The following MYLK variants were observed in gnomAD, a reference collection of about 807,000 sequenced individuals.
The protein encoded by MYLK is myosin light chain kinase.
Under a neutral mutation model 203.4 loss-of-function variants are expected in MYLK, and 106 were observed. The observed-to-expected ratio is 0.52, with a 90% CI of 0.45 to 0.61. The LOEUF (loss-of-function observed/expected upper bound fraction) is 0.61. MYLK is among the 20% of genes least tolerant of loss of function. The pLI is 0.00. For synonymous variants in MYLK, 867 were observed against 959.5 expected, an observed-to-expected ratio of 0.90 and a Z score of 1.78; for missense variants, 2,072 against 2,442.3, an observed-to-expected ratio of 0.85 and a Z score of 3.20.
intron 11 of MYLK, among the ~76,000 whole-genome samples, chr3:123,731,073 C>A (rs1222702025): frequency 6.6e-6 from 1 of 152,128 alleles, no homozygotes; most frequent in African/African-American, 2.4e-5. Flanking sequence ...CCTCTGGATA[C>A]GCCATTAATC....
At chr3:123,789,422 T>C (rs2064682084) in intron 4 of MYLK, among the ~76,000 whole-genome samples, 1 of 152,058 alleles carries the variant, frequency 6.6e-6, no homozygotes, top group Non-Finnish European at 1.5e-5. Flanking sequence ...AAAAAATTCC[T>C]GGGTCCTGGG....
chr3:123,876,830 A>C (rs1278410348), intron 1 of MYLK, among the ~76,000 whole-genome samples: 1 of 152,220 alleles, frequency 6.6e-6, no homozygotes, highest in African/African-American at 2.4e-5. Context: ...CACTGCTATG[A>C]GGAAACAGAG....
Position 123,779,018 on chromosome 3 carries a change from C to G in MYLK, c.165+14659G>C, listed in dbSNP as rs773123104. Among the ~76,000 whole-genome samples, 4 of 152,308 alleles carry G rather than the reference C, an allele frequency of 2.6e-5. No individual in the cohort carries two copies. The South Asian group carries it at 6.2e-4, about 24-fold the overall frequency. ...AGAGTGGGGGTGGGGTTGGGTATGACTTGAGTTTATGACAAAAGAGCTTTG... is the reference window on the plus strand; with the variant it reads ...AGAGTGGGGGTGGGGTTGGGTATGAGTTGAGTTTATGACAAAAGAGCTTTG... On this transcript the variant is annotated intron_variant, in intron 4 of 33. Transcript: ENST00000360304.
chr3:123,659,630 GTTCT>G, intron 23 of MYLK: 1 of 512,948 alleles, frequency 1.9e-6, no homozygotes, highest in Non-Finnish European at 3.9e-6. Flanking sequence ...AATGCTTTCT[GTTCT>G]TTCTAAGCTA....
In MYLK at chr3:123,613,916, T is replaced by C. The variant is rs916561328; in HGVS notation, c.*189A>G. ...TAGTATCTTAAGGTGCCAACTAACA[T>C]AGATTAATGCCCATCAATAACGCTG... On this transcript the variant is annotated 3_prime_UTR_variant, in exon 34 of 34. Coordinates refer to ENST00000360304, the MANE Select transcript of MYLK (RefSeq NM_053025.4). 17 of 656,310 alleles carry C rather than the reference T, an allele frequency of 2.6e-5. 1 individual carries two copies. The South Asian group carries it at 3.2e-4, about 12-fold the overall frequency. The allele number at this position is 656,310 out of a possible 1,614,324, so 40.7% of individuals were successfully genotyped here. A position where few individuals can be genotyped will look rare whatever the true frequency, so the allele number is the denominator to read the frequency against.
chr3:123,629,124 G>A lies in MYLK; in HGVS notation c.5114+350C>T, dbSNP rs562229563. Among the ~76,000 whole-genome samples, 2 of 152,328 alleles carry A rather than the reference G, an allele frequency of 1.3e-5. No individual in the cohort carries two copies. The highest frequency in any genetic ancestry group is 3.9e-4 in the East Asian group (2 of 5,182). The stretch of plus-strand genomic sequence containing the variant: ...TCCCCTGCAGCCCCTGAAGAGGGCT[G>A]TGGCTGGCCACAACTGTACCCAGAA... On this transcript the variant is annotated intron_variant, in intron 30 of 33. Transcript: ENST00000360304. The surrounding 1 kb of genome is among the most constrained non-coding windows in gnomAD (Gnocchi z 4.4).
intron 13 of MYLK, chr3:123,715,978 G>A (rs1428723912): frequency 6.6e-6 from 1 of 152,170 alleles, no homozygotes; most frequent in Non-Finnish European, 1.5e-5. Flanking sequence ...TTGAACATGA[G>A]CTGTATTCCT....
At chr3:123,710,630 C>A (rs536074535) in intron 13 of MYLK, among the ~76,000 whole-genome samples, 1 of 152,296 alleles carries the variant, frequency 6.6e-6, no homozygotes, top group East Asian at 1.9e-4. Context: ...TCATACATGG[C>A]AGGTGGTACA....
chr3:123,624,835 A>C (rs1407371853), intron 31 of MYLK: 2 of 152,252 alleles, frequency 1.3e-5, no homozygotes, highest in Non-Finnish European at 2.9e-5. Flanking sequence ...ATATGTGCTC[A>C]GGATGGTGGT....
At position 123,614,303 on chromosome 3, in the gene MYLK, G is replaced by A. The variant is rs1199729710; in HGVS notation, c.5547C>T (p.Ile1849=). 2.5e-6 allele frequency: 4 copies of A among 1,614,048 alleles called. No homozygotes were observed. Among genetic ancestry groups the A allele is most frequent in the Non-Finnish European group, 3.4e-6 (4 of 1,180,030 alleles). ...CTATCTGGAAGTGGCGGGACTCCCT[G>A]ATTGACTGGTCATCTTTGAACCAGA... ...EVVWFKDDQS[I]RESRHFQIDY... is the part of the protein sequence containing the mutation. Residue 1849 remains isoleucine (I), a synonymous_variant, in exon 34 of 34, where the codon ATC becomes ATT. Transcript: ENST00000360304.
At chr3:123,798,874 G>T (rs1378639288) in intron 3 of MYLK, among the ~76,000 whole-genome samples, 5 of 152,122 alleles carry the variant, frequency 3.3e-5, no homozygotes, top group African/African-American at 9.7e-5. Flanking sequence ...TATGTGGAAT[G>T]CTCTATCAGA....
At chr3:123,856,068 A>G (rs1307368286) in intron 2 of MYLK, among the ~76,000 whole-genome samples, 1 of 152,190 alleles carries the variant, frequency 6.6e-6, no homozygotes, top group Admixed American at 6.5e-5. Context: ...AGAACTTGGT[A>G]CACTGGGGCC....
chr3:123,795,624 T>C (rs994952505), intron 3 of MYLK, among the ~76,000 whole-genome samples: 38 of 152,248 alleles, frequency 2.5e-4, no homozygotes, highest in African/African-American at 7.7e-4. Flanking sequence ...GTCAAGGCCA[T>C]TGGACAACAA....
At chr3:123,851,239 G>T (rs890741336) in intron 2 of MYLK, among the ~76,000 whole-genome samples, 3 of 152,090 alleles carry the variant, frequency 2.0e-5, no homozygotes, top group Non-Finnish European at 2.9e-5. Flanking sequence ...CTCTTTTTTG[G>T]TTCCATATGA....
intron 2 of MYLK, among the ~76,000 whole-genome samples, chr3:123,835,480 G>C (rs564144555): frequency 7.9e-5 from 12 of 152,184 alleles, no homozygotes; most frequent in Non-Finnish European, 1.8e-4. Flanking sequence ...TAAGGACAAA[G>C]AGTAAATTAT....
chr3:123,849,356 G>A (rs2030453504), intron 2 of MYLK, among the ~76,000 whole-genome samples: 1 of 152,178 alleles, frequency 6.6e-6, no homozygotes, highest in Non-Finnish European at 1.5e-5. Context: ...TTAGTTGCAT[G>A]TAGTTAAGAG....
At chr3:123,679,337 T>G (rs1425943065) in intron 20 of MYLK, among the ~76,000 whole-genome samples, 2 of 149,774 alleles carry the variant, frequency 1.3e-5, no homozygotes, top group African/African-American at 4.9e-5. Context: ...ACAAGACATC[T>G]CCTTCACTTC....
intron 13 of MYLK, 26 bp from the exon 14 acceptor site, chr3:123,709,919 G>T (rs779233475): frequency 1.9e-6 from 3 of 1,613,224 alleles, no homozygotes; most frequent in African/African-American, 2.7e-5. Context: ...CAGAACGTGG[G>T]GTGAACATTC....
intron 2 of MYLK, among the ~76,000 whole-genome samples, chr3:123,843,153 G>A (rs549103871): frequency 6.6e-6 from 1 of 152,356 alleles, no homozygotes; most frequent in African/African-American, 2.4e-5. Context: ...AGTCTCAGCA[G>A]TCCATGGGTC....
Sources: allele counts gnomAD v4.1 joint callset (sites outside exome capture counted in the v4.1 genomes callset), GRCh38; gene constraint gnomAD v4.1.1; non-coding constraint Gnocchi (gnomAD v3.1); transcripts MANE v1.5; gene names NCBI Gene and HGNC (gene_info 2026-07-23, HGNC 2026-07-21).